Variants in GALNTL6 observed in about 807,000 individuals in gnomAD.
The protein encoded by GALNTL6 is polypeptide N-acetylgalactosaminyltransferase like 6.
GALNTL6 carries 46 observed loss-of-function variants against 73.7 expected under a neutral mutation model. The ratio of observed to expected loss-of-function variants is 0.62; its 90% CI spans 0.49 to 0.80. The LOEUF (loss-of-function observed/expected upper bound fraction) is 0.80, where lower values mean the gene tolerates loss of function less well. GALNTL6 is among the 30% of genes least tolerant of loss of function. The pLI, the probability that GALNTL6 is intolerant of heterozygous loss-of-function variation, is 0.00. For synonymous variants in GALNTL6, 259 were observed against 263.7 expected (o/e 0.98, Z 0.17); for missense variants, 604 against 755.0 (o/e 0.80, Z 2.34).
intron 3 of GALNTL6, among the ~76,000 whole-genome samples, chr4:172,272,402 T>A (rs1204631605): frequency 6.6e-6 from 1 of 152,230 alleles, no homozygotes. Flanking sequence ...CTAGATGGTA[T>A]AGCGCACTAC....
At chr4:171,831,355 T>C (rs1407831661) in intron 2 of GALNTL6, among the ~76,000 whole-genome samples, 1 of 151,948 alleles carries the variant, frequency 6.6e-6, no homozygotes, top group South Asian at 2.1e-4. Context: ...AAATGCAGTG[T>C]CTTGGGGAAA....
rs955737433 is a variant in GALNTL6, at chr4:171,869,579, C to T, written c.138+54861C>T. 1.1e-4 allele frequency among the ~76,000 whole-genome samples: 16 copies of T among 152,228 alleles called. 1 individual carries two copies. The highest frequency in any genetic ancestry group is 4.2e-4 in the South Asian group (2 of 4,818). On this transcript the variant is annotated intron_variant, in intron 2 of 12. Coordinates refer to ENST00000506823, the MANE Select transcript of GALNTL6 (RefSeq NM_001034845.3). ...TTACTGCATTGCAATTTTAACATAC[C>T]TGCTATCTTGCCTCCCAAATACATA...
chr4:172,057,701 CAAAAAAAAAAAAAA>C (rs57041409), intron 2 of GALNTL6, among the ~76,000 whole-genome samples: 13 of 63,122 alleles, frequency 2.1e-4, no homozygotes, highest in East Asian at 8.0e-4. Flanking sequence ...GACCCTGTCT[CAAAAAAAAAAAAAA>C]AAAAAAAAAA....
At chr4:172,562,755 C>T (rs1579192033) in intron 5 of GALNTL6, among the ~76,000 whole-genome samples, 5 of 152,282 alleles carry the variant, frequency 3.3e-5, no homozygotes, top group Admixed American at 3.3e-4. Flanking sequence ...CATTTCTCTT[C>T]AGCTACAAAA....
Position 172,809,447 on chromosome 4 carries a change from C to T in GALNTL6, c.640C>T (p.Arg214Trp), listed in dbSNP as rs774170031. The T allele has an allele frequency of 5.0e-6, 8 of 1,613,820 alleles. No individual in the cohort carries two copies. The highest frequency in any genetic ancestry group is 1.1e-5 in the South Asian group (1 of 91,042). The change falls in exon 6 of 13, where the codon CGG becomes TGG. Residue 214 changes from arginine to tryptophan, a missense_variant. Physicochemically the swap from Arg to Trp is moderately radical, Grantham distance 101 (BLOSUM62 -3). Around this residue, in one of 5 missense-constraint regions of GALNTL6, gnomAD observed 179 missense variants for 230.8 expected, o/e 0.78. Coordinates refer to ENST00000506823, the MANE Select transcript of GALNTL6 (RefSeq NM_001034845.3). The surrounding 1 kb of genome is among the most constrained non-coding windows in gnomAD (Gnocchi z 4.4). Reference protein sequence around the residue: ...VRTKKREGLIRTRLLGASMAR... With the variant: ...VRTKKREGLIWTRLLGASMAR... ...CACCAAGAAAAGAGAAGGACTCATCCGGACCCGTCTCCTGGGGGCATCTAT... is the reference window on the plus strand; with the variant it reads ...CACCAAGAAAAGAGAAGGACTCATCTGGACCCGTCTCCTGGGGGCATCTAT...
chr4:172,782,099 C>A (rs1156651106), intron 5 of GALNTL6, among the ~76,000 whole-genome samples: 5 of 151,988 alleles, frequency 3.3e-5, no homozygotes, highest in Admixed American at 2.0e-4. Flanking sequence ...TGACCATAAC[C>A]TTCTCTTAAT....
At chr4:172,673,261 T>G (rs537827648) in intron 5 of GALNTL6, among the ~76,000 whole-genome samples, 1 of 151,924 alleles carries the variant, frequency 6.6e-6, no homozygotes, top group African/African-American at 2.4e-5. Context: ...GGTTATTCAA[T>G]TTTCATGTAA....
chr4:172,794,075 T>C (rs1246615796), intron 5 of GALNTL6, among the ~76,000 whole-genome samples: 12 of 152,224 alleles, frequency 7.9e-5, no homozygotes, highest in Admixed American at 7.9e-4. Flanking sequence ...TCCTGCATCA[T>C]TGTTTTTCAA....
At chr4:172,753,451 T>C (rs1318710957) in intron 5 of GALNTL6, among the ~76,000 whole-genome samples, 3 of 152,246 alleles carry the variant, frequency 2.0e-5, no homozygotes, top group African/African-American at 7.2e-5. Context: ...AAGTGTTATG[T>C]AAAATTATGT....
intron 7 of GALNTL6, among the ~76,000 whole-genome samples, chr4:172,882,008 A>G (rs1250078693): frequency 6.6e-6 from 1 of 151,720 alleles, no homozygotes; most frequent in Non-Finnish European, 1.5e-5. Context: ...TTAGACCAGC[A>G]CATAGTGAGC....
intron 5 of GALNTL6, among the ~76,000 whole-genome samples, chr4:172,800,761 G>A (rs1320090289): frequency 6.6e-6 from 1 of 152,040 alleles, no homozygotes; most frequent in Non-Finnish European, 1.5e-5. Context: ...TTCATAGACA[G>A]ACCTCTGAGT....
intron 2 of GALNTL6, among the ~76,000 whole-genome samples, chr4:171,905,550 T>C (rs966854350): frequency 2.0e-5 from 3 of 150,048 alleles, no homozygotes; most frequent in Admixed American, 2.0e-4. Flanking sequence ...AATGGGAGAC[T>C]TTAACACCCC....
chr4:172,518,648 G>A (rs1023869381), intron 5 of GALNTL6, among the ~76,000 whole-genome samples: 5 of 151,810 alleles, frequency 3.3e-5, no homozygotes, highest in East Asian at 1.9e-4. Context: ...ATCAATTTTC[G>A]AATTAATAAC....
chr4:172,055,872 G>T (rs1381249349), intron 2 of GALNTL6, among the ~76,000 whole-genome samples: 4 of 152,082 alleles, frequency 2.6e-5, no homozygotes, highest in Non-Finnish European at 4.4e-5. Flanking sequence ...CCCACTCAGG[G>T]TTTATTAAGC....
At chr4:172,762,550 C>T (rs1365710878) in intron 5 of GALNTL6, among the ~76,000 whole-genome samples, 2 of 151,850 alleles carry the variant, frequency 1.3e-5, no homozygotes, top group African/African-American at 2.4e-5. Context: ...CTCCATGTCT[C>T]TTTCCCCAAA....
At chr4:171,961,947 A>G (rs959767268) in intron 2 of GALNTL6, among the ~76,000 whole-genome samples, 1 of 152,184 alleles carries the variant, frequency 6.6e-6, no homozygotes, top group Non-Finnish European at 1.5e-5. Flanking sequence ...GTTGTACTCT[A>G]TGTTTACAAT....
chr4:172,243,190 G>T (rs1028882706), intron 3 of GALNTL6, among the ~76,000 whole-genome samples: 1 of 152,066 alleles, frequency 6.6e-6, no homozygotes, highest in Non-Finnish European at 1.5e-5. Flanking sequence ...TTCACTTGCT[G>T]CTCTTGCTAC....
At chr4:172,485,699 C>T (rs894813513) in intron 5 of GALNTL6, among the ~76,000 whole-genome samples, 3 of 151,932 alleles carry the variant, frequency 2.0e-5, no homozygotes, top group African/African-American at 7.2e-5. Context: ...AAGATATGTT[C>T]CAAATAAAAA....
intron 3 of GALNTL6, among the ~76,000 whole-genome samples, chr4:172,255,413 A>C (rs1010527242): frequency 6.6e-6 from 1 of 151,684 alleles, no homozygotes; most frequent in South Asian, 2.1e-4. Context: ...TAGAAGGTAA[A>C]TATTTTTCAA....
Sources: gnomAD v4.1 joint callset for allele counts (sites outside exome capture counted in the v4.1 genomes callset) on GRCh38, gnomAD v4.1.1 for gene constraint, gnomAD v4.1.1 regional missense constraint, Gnocchi (gnomAD v3.1) non-coding constraint, MANE v1.5 for transcripts, NCBI Gene and HGNC (gene_info 2026-07-23, HGNC 2026-07-21) for gene names.